Variants in MAP2 observed in about 807,000 individuals in gnomAD.
The protein encoded by MAP2 is microtubule associated protein 2.
A neutral mutation model predicts 137.6 loss-of-function variants in MAP2; 14 were observed. The observed-to-expected ratio is 0.10, with a 90% CI of 0.07 to 0.16. MAP2 has a LOEUF of 0.16. MAP2 is among the 10% of genes least tolerant of loss of function. MAP2 has a pLI of 1.00. For missense variants in MAP2, 2,088 were observed against 2,191.5 expected, an observed-to-expected ratio of 0.95 and a Z score of 0.94; for synonymous variants, 786 against 782.3, an observed-to-expected ratio of 1.00 and a Z score of -0.08.
intron 2 of MAP2, among the ~76,000 whole-genome samples, chr2:209,556,139 C>T (rs997573171): frequency 2.5e-4 from 38 of 150,116 alleles, no homozygotes; most frequent in African/African-American, 9.3e-4. Context: ...CTCCCGGGCT[C>T]AAGTGATCCT....
chr2:209,563,892 C>T (rs16843103), intron 2 of MAP2, among the ~76,000 whole-genome samples: 3,013 of 152,192 alleles, frequency 0.02, 97 homozygotes, highest in African/African-American at 0.068. Context: ...AAAACTTGCA[C>T]GTACTAGGTG....
intron 1 of MAP2, among the ~76,000 whole-genome samples, chr2:209,455,636 A>G (rs938677385): frequency 2.6e-5 from 4 of 152,208 alleles, no homozygotes; most frequent in African/African-American, 4.8e-5. Context: ...TTAATAAAAA[A>G]CACGGCTTCA....
intron 13 of MAP2, among the ~76,000 whole-genome samples, chr2:209,710,977 A>G (rs1347185331): frequency 2.0e-5 from 3 of 152,280 alleles, no homozygotes; most frequent in African/African-American, 7.2e-5. Flanking sequence ...CTTATACACT[A>G]CATGTTTGGA....
chr2:209,531,071 G>A (rs890580157), intron 2 of MAP2, among the ~76,000 whole-genome samples: 1 of 152,118 alleles, frequency 6.6e-6, no homozygotes, highest in African/African-American at 2.4e-5. Flanking sequence ...ACTATTTAAA[G>A]CCATCTCATG....
intron 1 of MAP2, among the ~76,000 whole-genome samples, chr2:209,490,450 G>C (rs569825354): frequency 6.6e-6 from 1 of 151,006 alleles, no homozygotes; most frequent in Non-Finnish European, 1.5e-5. Flanking sequence ...GTGTAAATGG[G>C]CTAAATGCCC....
chr2:209,515,487 T>C (rs770853486), intron 2 of MAP2, among the ~76,000 whole-genome samples: 3 of 152,066 alleles, frequency 2.0e-5, no homozygotes, highest in Non-Finnish European at 2.9e-5. Context: ...CTTCACCTTC[T>C]TCACAAGGTG....
intron 13 of MAP2, among the ~76,000 whole-genome samples, chr2:209,718,621 G>A (rs1352796267): frequency 6.6e-6 from 1 of 152,102 alleles, no homozygotes; most frequent in Non-Finnish European, 1.5e-5. Context: ...GCTTTTCAGT[G>A]TGGTTCTACT....
intron 5 of MAP2, among the ~76,000 whole-genome samples, chr2:209,676,350 A>G (rs1279084994): frequency 6.6e-6 from 1 of 151,798 alleles, no homozygotes; most frequent in Non-Finnish European, 1.5e-5. Context: ...TGGACACATC[A>G]ACATCAAGGG....
Position 209,710,199 on chromosome 2 carries a change from T to G in MAP2, c.5018T>G (p.Val1673Gly). ...INQPLPDLKNVKSKIGSTDNI... is the reference protein window; with the variant it reads ...INQPLPDLKNGKSKIGSTDNI... Reference sequence around the variant, plus strand: ...CAACCACTGCCAGACCTGAAGAATGTCAAATCCAAAATCGGATCAACAGAC... The same window carrying G: ...CAACCACTGCCAGACCTGAAGAATGGCAAATCCAAAATCGGATCAACAGAC... The change falls in exon 13 of 16, where the codon GTC (valine) becomes GGC (glycine). Residue 1673 changes from valine (V) to glycine (G), a missense_variant. Physicochemically the swap from Val to Gly is moderately radical, Grantham distance 109 (BLOSUM62 -3). Transcript: ENST00000682079. The G allele has an allele frequency of 6.2e-7, 1 of 1,609,546 alleles. No individual in the cohort carries two copies. Among genetic ancestry groups the G allele is most frequent in the Non-Finnish European group, 8.5e-7 (1 of 1,177,408 alleles).
At chr2:209,665,929 G>A (rs2046112429) in intron 5 of MAP2, among the ~76,000 whole-genome samples, 5 of 151,982 alleles carry the variant, frequency 3.3e-5, no homozygotes, top group Admixed American at 3.3e-4. Flanking sequence ...AAGTATTTCA[G>A]TGTTTAGTGA....
chr2:209,715,823 T>C (rs2067360392), intron 13 of MAP2, among the ~76,000 whole-genome samples: 1 of 152,212 alleles, frequency 6.6e-6, no homozygotes, highest in South Asian at 2.1e-4. Context: ...TCTTTGAGTA[T>C]AGAAAGTTTA....
intron 1 of MAP2, among the ~76,000 whole-genome samples, chr2:209,438,587 C>G (rs7594842): frequency 0.44 from 66,198 of 151,272 alleles, 14,854 homozygotes; most frequent in Non-Finnish European, 0.48. Flanking sequence ...CTTAAACCTG[C>G]AGAGAAGATT....
intron 2 of MAP2, among the ~76,000 whole-genome samples, chr2:209,541,678 A>G (rs1343911734): frequency 6.6e-6 from 1 of 152,206 alleles, no homozygotes; most frequent in African/African-American, 2.4e-5. Context: ...TACCAGGAGT[A>G]GATTTTATCT....
intron 1 of MAP2, among the ~76,000 whole-genome samples, chr2:209,481,729 T>G (rs554341074): frequency 1.3e-5 from 2 of 152,354 alleles, no homozygotes; most frequent in East Asian, 3.9e-4. Context: ...TGAAGCCAGC[T>G]TGTCTTTAGG....
chr2:209,572,593 A>C (rs1477393233), intron 2 of MAP2, among the ~76,000 whole-genome samples: 1 of 152,172 alleles, frequency 6.6e-6, no homozygotes, highest in African/African-American at 2.4e-5. Context: ...TCAAATAGAC[A>C]ACAAGCTAAC....
intron 2 of MAP2, among the ~76,000 whole-genome samples, chr2:209,567,194 C>A (rs2073624343): frequency 6.6e-6 from 1 of 152,044 alleles, no homozygotes; most frequent in African/African-American, 2.4e-5. Context: ...TCAATGTCCA[C>A]AACACAAATT....
chr2:209,655,800 A>G (rs1342046687), intron 5 of MAP2, among the ~76,000 whole-genome samples: 2 of 152,242 alleles, frequency 1.3e-5, no homozygotes, highest in East Asian at 1.9e-4. Context: ...GATATTTCTC[A>G]GGACACTGTT....
chr2:209,638,780 C>T (rs2093772226), intron 4 of MAP2, among the ~76,000 whole-genome samples: 1 of 152,080 alleles, frequency 6.6e-6, no homozygotes, highest in Non-Finnish European at 1.5e-5. Flanking sequence ...ACACATCTGC[C>T]TTTCTGAATA....
intron 5 of MAP2, among the ~76,000 whole-genome samples, chr2:209,667,587 T>A (rs1408906549): frequency 1.3e-5 from 2 of 152,048 alleles, no homozygotes; most frequent in African/African-American, 4.8e-5. Flanking sequence ...TTAGAAATTT[T>A]CCTTATATGT....
Sources: allele counts gnomAD v4.1 joint callset (sites outside exome capture counted in the v4.1 genomes callset), GRCh38; gene constraint gnomAD v4.1.1; transcripts MANE v1.5; gene names NCBI Gene and HGNC (gene_info 2026-07-23, HGNC 2026-07-21).